DCLK1: variants seen among roughly 807,000 people sequenced by gnomAD.
DCLK1 encodes the protein serine/threonine-protein kinase DCLK1.
DCLK1 carries 16 observed loss-of-function variants against 86.2 expected under a neutral mutation model. The observed-to-expected ratio is 0.19, with a 90% confidence interval of 0.13 to 0.28. The LOEUF (loss-of-function observed/expected upper bound fraction) is 0.28, where lower values mean the gene tolerates loss of function less well. Among genes scored for constraint, DCLK1 ranks in the 10% least tolerant of loss-of-function variants. The pLI is 1.00. For synonymous variants in DCLK1, 369 were observed against 370.5 expected (o/e 1.00, Z 0.05); for missense variants, 590 against 940.2 (o/e 0.63, Z 4.87).
chr13:35,812,405 C>T (rs2087166913), intron 11 of DCLK1, among the ~76,000 whole-genome samples: 1 of 152,248 alleles, frequency 6.6e-6, no homozygotes, highest in African/African-American at 2.4e-5. Context: ...GCATATTCTC[C>T]TGTTCTCACT....
intron 5 of DCLK1, among the ~76,000 whole-genome samples, chr13:35,868,756 A>G (rs554720926): frequency 1.3e-5 from 2 of 152,234 alleles, no homozygotes; most frequent in East Asian, 1.9e-4. Flanking sequence ...TTATTGCTCC[A>G]TGGGAGTTCA....
At chr13:36,093,981 T>A (rs1056892585) in intron 3 of DCLK1, among the ~76,000 whole-genome samples, 39 of 152,170 alleles carry the variant, frequency 2.6e-4, no homozygotes, top group African/African-American at 9.4e-4. Flanking sequence ...ATCAAACTCC[T>A]GGACTCCAGT....
Position 35,887,878 on chromosome 13 carries a change from C to CAAAAAAAAAAA in DCLK1, c.824-16549_824-16539dup, listed in dbSNP as rs760195385. On this transcript the variant is annotated intron_variant, in intron 4 of 16. Transcript: ENST00000360631. ...TGGACAGCATAGTAAGATCTTGTCT[C>CAAAAAAAAAAA]AAAAAAAAAAAAAAAAAAAAAAAAA... Among the ~76,000 whole-genome samples, 14 of 38,742 alleles carry CAAAAAAAAAAA rather than the reference C, an allele frequency of 3.6e-4. 3 individuals are homozygous for CAAAAAAAAAAA. Among genetic ancestry groups the CAAAAAAAAAAA allele is most frequent in the Admixed American group, 1.0e-3 (2 of 1,962 alleles). 25.4% of individuals were successfully genotyped at this position (38,742 alleles called of 152,430 possible). A position where few individuals can be genotyped will look rare whatever the true frequency, so the allele number is the denominator to read the frequency against.
intron 3 of DCLK1, among the ~76,000 whole-genome samples, chr13:35,996,426 T>C (rs139634683): frequency 3.6e-4 from 55 of 152,372 alleles, no homozygotes; most frequent in Middle Eastern, 6.8e-3. Context: ...TCAAGCACTA[T>C]TCTGCACATT....
At chr13:35,991,437 G>C (rs1028977410) in intron 3 of DCLK1, among the ~76,000 whole-genome samples, 1 of 152,116 alleles carries the variant, frequency 6.6e-6, no homozygotes, top group Admixed American at 6.5e-5. Context: ...TGAGGCTGAG[G>C]ATCACTTGAG....
rs1427701944 is a variant in DCLK1, at chr13:36,103,421, A to AC, written c.723+8447_723+8448insG. On this transcript the variant is annotated intron_variant, in intron 3 of 16. Transcript: ENST00000360631. The stretch of plus-strand genomic sequence containing the variant: ...ACCTGTCTTAAAAAAAAAAAAAAAA[A>AC]AAAGACAAAGGAAAAAAGACCGAAA... Among the ~76,000 whole-genome samples the AC allele has an allele frequency of 8.6e-5, 13 of 151,840 alleles. No individual in the cohort carries two copies. In the South Asian group the frequency reaches 2.7e-3, roughly 32 times the overall value.
At position 35,773,444 on chromosome 13, in the gene DCLK1, G is replaced by C. The variant is rs1464821451; in HGVS notation, c.*1091C>G. 1 of 151,954 alleles carries C rather than the reference G, an allele frequency of 6.6e-6. No homozygotes were observed. The highest frequency in any genetic ancestry group is 1.5e-5 in the Non-Finnish European group (1 of 67,972). The allele number at this position is 151,954 out of a possible 1,614,324, so 9.4% of individuals were successfully genotyped here. A position where few individuals can be genotyped will look rare whatever the true frequency, so the allele number is the denominator to read the frequency against. ...TTTATTCACTGAAAACTTATTGTTA[G>C]AACATTCTGGATTGTGTTCCCAGTG... On this transcript the variant is annotated 3_prime_UTR_variant, in exon 17 of 17. Transcript: ENST00000360631.
At chr13:35,854,854 T>C (rs1433801131) in intron 5 of DCLK1, among the ~76,000 whole-genome samples, 1 of 152,200 alleles carries the variant, frequency 6.6e-6, no homozygotes, top group Non-Finnish European at 1.5e-5. Context: ...CTGATGAATG[T>C]ATTAATGATG....
intron 16 of DCLK1, among the ~76,000 whole-genome samples, chr13:35,785,001 C>T (rs913665671): frequency 2.6e-5 from 4 of 152,194 alleles, no homozygotes; most frequent in Non-Finnish European, 5.9e-5. Flanking sequence ...ACCGCTCTGC[C>T]TCATTACTCA....
At chr13:35,976,735 C>T (rs1246010763) in intron 3 of DCLK1, among the ~76,000 whole-genome samples, 2 of 151,436 alleles carry the variant, frequency 1.3e-5, no homozygotes, top group Non-Finnish European at 2.9e-5. Flanking sequence ...GGGGTTTCAC[C>T]GTTTTAGCCG....
intron 3 of DCLK1, among the ~76,000 whole-genome samples, chr13:36,001,070 T>C (rs976417653): frequency 2.6e-5 from 4 of 151,982 alleles, no homozygotes; most frequent in African/African-American, 9.7e-5. Flanking sequence ...TGCCTTAGCC[T>C]CCCAAGTAGC....
At position 35,822,713 on chromosome 13, in the gene DCLK1, G is replaced by A. The variant is rs758148326; in HGVS notation, c.1554+16C>T. The A allele has an allele frequency of 6.2e-7, 1 of 1,613,980 alleles. No individual in the cohort carries two copies. Among genetic ancestry groups the A allele is most frequent in the Non-Finnish European group, 8.5e-7 (1 of 1,179,954 alleles). Reference sequence around the variant, plus strand: ...GCTTGGAACTCAGGATGCCCTGTAGGTGGAATTCCTCTTACCAGCAGGTTC... The same window carrying A: ...GCTTGGAACTCAGGATGCCCTGTAGATGGAATTCCTCTTACCAGCAGGTTC... On this transcript the variant is annotated intron_variant, in intron 11 of 16. Coordinates refer to ENST00000360631, the MANE Select transcript of DCLK1 (RefSeq NM_001330071.2).
At chr13:35,937,447 G>A (rs1420890048) in intron 4 of DCLK1, among the ~76,000 whole-genome samples, 1 of 152,140 alleles carries the variant, frequency 6.6e-6, no homozygotes, top group East Asian at 1.9e-4. Context: ...GGAGTGAGCA[G>A]GAGAGAAGTC....
At chr13:35,786,009 CATT>C (rs567177171) in intron 16 of DCLK1, among the ~76,000 whole-genome samples, 161 of 152,326 alleles carry the variant, frequency 1.1e-3, no homozygotes, top group African/African-American at 3.7e-3. Context: ...TAACTATAAA[CATT>C]GTTGTTACTG....
chr13:35,888,584 G>A (rs1873442323), intron 4 of DCLK1, among the ~76,000 whole-genome samples: 1 of 152,166 alleles, frequency 6.6e-6, no homozygotes, highest in African/African-American at 2.4e-5. Flanking sequence ...GTTATACGAA[G>A]GCAGCCATCT....
intron 4 of DCLK1, among the ~76,000 whole-genome samples, chr13:35,908,605 C>T (rs559879533): frequency 6.6e-6 from 1 of 152,212 alleles, no homozygotes; most frequent in Admixed American, 6.5e-5. Context: ...TCACCCAGCT[C>T]CTATTATGGA....
intron 3 of DCLK1, among the ~76,000 whole-genome samples, chr13:36,089,308 G>C (rs73182149): frequency 0.15 from 23,224 of 152,206 alleles, 2,153 homozygotes; most frequent in Non-Finnish European, 0.21. Flanking sequence ...GGCAACCCAG[G>C]AGAAACAGGC....
intron 4 of DCLK1, among the ~76,000 whole-genome samples, chr13:35,905,800 T>A (rs1051735588): frequency 2.6e-5 from 4 of 151,180 alleles, no homozygotes; most frequent in Admixed American, 1.3e-4. Context: ...CCAAAAAAAG[T>A]AGCCAGGTGT....
chr13:35,958,202 C>CACT (rs1351166734), intron 3 of DCLK1, among the ~76,000 whole-genome samples: 1 of 64,164 alleles, frequency 1.6e-5, no homozygotes, highest in African/African-American at 1.2e-4. Flanking sequence ...CCACCACCAC[C>CACT]ATTATAACCA....
Sources: allele counts gnomAD v4.1 joint callset (sites outside exome capture counted in the v4.1 genomes callset), GRCh38; gene constraint gnomAD v4.1.1; transcripts MANE v1.5; gene names NCBI Gene and HGNC (gene_info 2026-07-23, HGNC 2026-07-21).